ADCY2: variants seen among roughly 807,000 people sequenced by gnomAD.
ADCY2 encodes the protein adenylate cyclase type 2.
A neutral mutation model predicts 125.2 loss-of-function variants in ADCY2; 31 were observed. The ratio of observed to expected loss-of-function variants is 0.25; its 90% CI spans 0.19 to 0.33. The LOEUF is 0.33. Ranked by LOEUF, ADCY2 falls within the 10% of genes least tolerant of loss-of-function variation. The probability of loss-of-function intolerance (pLI) is 1.00; values close to 1 mark genes in which losing one functional copy is unlikely to be tolerated. For missense variants in ADCY2, 904 were observed against 1,418.2 expected, an observed-to-expected ratio of 0.64 and a Z score of 5.82; for synonymous variants, 512 against 548.4, an observed-to-expected ratio of 0.93 and a Z score of 0.93.
chr5:7,806,775 A>G (rs1036871319), intron 22 of ADCY2, among the ~76,000 whole-genome samples: 30 of 152,366 alleles, frequency 2.0e-4, no homozygotes, highest in African/African-American at 6.0e-4. Flanking sequence ...ACTTCAACAT[A>G]TAAATTTTAG....
At chr5:7,668,633 G>C (rs1739834781) in intron 4 of ADCY2, among the ~76,000 whole-genome samples, 1 of 152,184 alleles carries the variant, frequency 6.6e-6, no homozygotes. Context: ...ATATGTTTAT[G>C]TGGGGAAAAA....
At chr5:7,590,945 A>G (rs2126625224) in intron 3 of ADCY2, among the ~76,000 whole-genome samples, 1 of 152,282 alleles carries the variant, frequency 6.6e-6, no homozygotes. Flanking sequence ...TTCAAATGGA[A>G]AAAGTGGTTG....
intron 20 of ADCY2, chr5:7,797,021 C>T (rs761852664): frequency 9.2e-5 from 14 of 152,280 alleles, no homozygotes; most frequent in Middle Eastern, 3.2e-3. Flanking sequence ...AAATGCCCCT[C>T]GTGTGCAAAC....
intron 2 of ADCY2, among the ~76,000 whole-genome samples, chr5:7,453,172 C>A (rs946722152): frequency 6.6e-6 from 1 of 152,118 alleles, no homozygotes; most frequent in East Asian, 1.9e-4. Flanking sequence ...GAATTCTTTG[C>A]CTGAGCCAAT....
intron 3 of ADCY2, among the ~76,000 whole-genome samples, chr5:7,552,067 G>A (rs1377113337): frequency 6.6e-6 from 1 of 152,138 alleles, no homozygotes; most frequent in Non-Finnish European, 1.5e-5. Context: ...GGCTTAATGA[G>A]AATCCTATAA....
At chr5:7,755,787 T>A (rs58502974) in intron 15 of ADCY2, among the ~76,000 whole-genome samples, 77,187 of 152,074 alleles carry the variant, frequency 0.51, 20,975 homozygotes, top group East Asian at 0.66. Flanking sequence ...TCAACTGTTG[T>A]ATCAACATTG....
intron 2 of ADCY2, among the ~76,000 whole-genome samples, chr5:7,425,443 G>A (rs958504396): frequency 6.6e-6 from 1 of 152,204 alleles, no homozygotes; most frequent in Non-Finnish European, 1.5e-5. Context: ...ATACAACTTC[G>A]TCTCCATCAG....
intron 1 of ADCY2, among the ~76,000 whole-genome samples, chr5:7,401,109 A>T (rs866681817): frequency 1.6e-4 from 25 of 152,170 alleles, no homozygotes; most frequent in African/African-American, 6.0e-4. Flanking sequence ...TGTTTGTAAA[A>T]TGGCATGGTA....
intron 2 of ADCY2, among the ~76,000 whole-genome samples, chr5:7,419,000 C>G (rs938460820): frequency 1.3e-5 from 2 of 152,058 alleles, no homozygotes; most frequent in African/African-American, 2.4e-5. Flanking sequence ...CCTTAATTAG[C>G]CATTAGGAAG....
At chr5:7,765,062 A>AT (rs1418832835) in intron 16 of ADCY2, among the ~76,000 whole-genome samples, 5 of 152,198 alleles carry the variant, frequency 3.3e-5, no homozygotes, top group African/African-American at 1.2e-4. Flanking sequence ...TTCAACCATC[A>AT]TATTTATTGC....
intron 20 of ADCY2, among the ~76,000 whole-genome samples, chr5:7,790,660 T>C (rs974806476): frequency 1.3e-5 from 2 of 152,130 alleles, no homozygotes; most frequent in African/African-American, 4.8e-5. Flanking sequence ...AAGTTAGAAG[T>C]TTATTTTCCA....
At chr5:7,578,147 AT>A (rs1736311101) in intron 3 of ADCY2, among the ~76,000 whole-genome samples, 1 of 152,210 alleles carries the variant, frequency 6.6e-6, no homozygotes, top group Non-Finnish European at 1.5e-5. Flanking sequence ...CAAAATTTAT[AT>A]GAACATAATA....
intron 18 of ADCY2, among the ~76,000 whole-genome samples, chr5:7,784,053 G>A (rs16879056): frequency 0.093 from 14,154 of 152,136 alleles, 1,701 homozygotes; most frequent in African/African-American, 0.28. Flanking sequence ...AGAAACCATC[G>A]ATCCAATTAC....
intron 12 of ADCY2, among the ~76,000 whole-genome samples, chr5:7,718,874 T>G (rs1741676854): frequency 6.6e-6 from 1 of 152,018 alleles, no homozygotes. Flanking sequence ...AAAATATAGG[T>G]GGAAGGATGC....
At chr5:7,710,859 A>G (rs1328569565) in intron 10 of ADCY2, among the ~76,000 whole-genome samples, 1 of 152,184 alleles carries the variant, frequency 6.6e-6, no homozygotes, top group Admixed American at 6.5e-5. Context: ...AAGCAAATTC[A>G]GGGGCTAACG....
At chr5:7,629,866 T>A (rs1027404058) in intron 4 of ADCY2, among the ~76,000 whole-genome samples, 2 of 152,234 alleles carry the variant, frequency 1.3e-5, no homozygotes, top group Non-Finnish European at 2.9e-5. Flanking sequence ...ATAAGAACAC[T>A]GTTTGCTAAC....
chr5:7,626,384 T>G lies in ADCY2; in HGVS notation c.720+68T>G, dbSNP rs1738128899. ...ATTAAAATGATGCTGTTACTATTAATGTTGAGTGTCGTTCATTCATTCATG... is the reference window on the plus strand; with the variant it reads ...ATTAAAATGATGCTGTTACTATTAAGGTTGAGTGTCGTTCATTCATTCATG... On this transcript the variant is annotated intron_variant, in intron 4 of 24. Transcript: ENST00000338316. 2.6e-6 allele frequency: 4 copies of G among 1,536,910 alleles called. No individual in the cohort carries two copies. In the Admixed American group the frequency reaches 7.3e-5, roughly 28 times the overall value.
rs1389396752 is a variant in ADCY2 at position 7,626,409 on chromosome 5, G to C, written c.720+93G>C. The C allele has an allele frequency of 2.1e-6, 3 of 1,413,284 alleles. No individual in the cohort carries two copies. The Admixed American group carries it at 6.5e-5, about 31-fold the overall frequency. 87.5% of individuals were successfully genotyped at this position (1,413,284 alleles called of 1,614,324 possible). A position where few individuals can be genotyped will look rare whatever the true frequency, so the allele number is the denominator to read the frequency against. On this transcript the variant is annotated intron_variant, in intron 4 of 24. Transcript: ENST00000338316. ...TGTTGAGTGTCGTTCATTCATTCAT[G>C]AGCTTCAGAAAAATCAGAGAAGAAA... is the stretch of plus-strand genomic sequence containing the variant.
intron 4 of ADCY2, among the ~76,000 whole-genome samples, chr5:7,657,793 T>A (rs1739389890): frequency 6.6e-6 from 1 of 152,200 alleles, no homozygotes. Context: ...TCTGTTCAGA[T>A]ATGCACAATC....
Sources: allele counts gnomAD v4.1 joint callset (sites outside exome capture counted in the v4.1 genomes callset), GRCh38; gene constraint gnomAD v4.1.1; transcripts MANE v1.5; gene names NCBI Gene and HGNC (gene_info 2026-07-23, HGNC 2026-07-21).